Variants in ZNF578 observed in about 807,000 individuals in gnomAD.
The protein encoded by ZNF578 is zinc finger protein 578.
In ZNF578, 8 loss-of-function variants were observed where a neutral mutation model predicts 8.3. That is an observed-to-expected ratio of 0.96 (90% confidence interval 0.56 to 1.74). The LOEUF (loss-of-function observed/expected upper bound fraction) is 1.74. Among genes scored for constraint, ZNF578 ranks in the 40% most tolerant of loss-of-function variants. The pLI, the probability that ZNF578 is intolerant of heterozygous loss-of-function variation, is 0.00. For missense variants in ZNF578, 726 were observed against 707.5 expected (o/e 1.03, Z -0.30); for synonymous variants, 206 against 232.2 (o/e 0.89, Z 1.03).
At chr19:52,458,483 T>TATATATATATATATATATATA (rs1555751157) in intron 2 of ZNF578, 8 of 144,852 alleles carry the variant, frequency 5.5e-5, no homozygotes, top group African/African-American at 1.8e-4. Context: ...TATATATATA[T>TATATATATATATATATATATA]TTTGAAAATC....
chr19:52,472,753 C>A (rs1345427730), intron 2 of ZNF578, among the ~76,000 whole-genome samples: 3 of 152,160 alleles, frequency 2.0e-5, no homozygotes, highest in Admixed American at 2.0e-4. Context: ...TTACATTATT[C>A]TCTGCTCACC....
chr19:52,463,315 A>G (rs1207625788), intron 2 of ZNF578, among the ~76,000 whole-genome samples: 2 of 152,216 alleles, frequency 1.3e-5, no homozygotes, highest in African/African-American at 4.8e-5. Context: ...AAATGAGAAT[A>G]TGTATCTCTG....
chr19:52,474,017 C>A, intron 2 of ZNF578: 1 of 406,728 alleles, frequency 2.5e-6, no homozygotes, highest in South Asian at 2.1e-5. Context: ...TCTCCAATGT[C>A]GTGCAAGGTG....
At chr19:52,500,342 A>T (rs908660813) in intron 3 of ZNF578, among the ~76,000 whole-genome samples, 3 of 151,994 alleles carry the variant, frequency 2.0e-5, no homozygotes, top group Admixed American at 6.6e-5. Flanking sequence ...GGAAGACTTG[A>T]AGCAGGGAAG....
In ZNF578 at chr19:52,498,946, G is replaced by C. The variant is rs146192123; in HGVS notation, c.-19-2881G>C. On this transcript the variant is annotated intron_variant, in intron 3 of 5. Coordinates refer to ENST00000421239, the MANE Select transcript of ZNF578 (RefSeq NM_001099694.2). ...GATTGGCCTGCCTCAACTACCCAAAGTGTTGGGATTTCAAGGGTGGGTCAC... is the reference window on the plus strand; with the variant it reads ...GATTGGCCTGCCTCAACTACCCAAACTGTTGGGATTTCAAGGGTGGGTCAC... Among the ~76,000 whole-genome samples the C allele has an allele frequency of 7.2e-5, 11 of 152,268 alleles. No individual in the cohort carries two copies. In the East Asian group the frequency reaches 2.1e-3, roughly 29 times the overall value.
At chr19:52,497,769 A>T (rs532817494) in intron 3 of ZNF578, among the ~76,000 whole-genome samples, 1 of 152,304 alleles carries the variant, frequency 6.6e-6, no homozygotes, top group Admixed American at 6.5e-5. Context: ...TTATCCTAAC[A>T]TGAAAATTTA....
In ZNF578 at chr19:52,504,708, A is replaced by G; in HGVS notation, c.117A>G (p.Lys39=). 1 of 1,614,092 alleles carries G rather than the reference A, an allele frequency of 6.2e-7. No homozygotes were observed. Among genetic ancestry groups the G allele is most frequent in the Non-Finnish European group, 8.5e-7 (1 of 1,180,024 alleles). The change falls in exon 5 of 6, where the codon AAA becomes AAG. Residue 39 remains lysine, a synonymous_variant. Transcript: ENST00000421239. ...TAGAATTCTCATTGGCAGAGTGGAA[A>G]TTCCTGAACCCTGCGCAGAGGGCTT... is the stretch of plus-strand genomic sequence containing the variant. The part of the protein sequence containing the change: ...VAIEFSLAEW[K]FLNPAQRALY...
At chr19:52,503,287 C>G (rs1156649316) in intron 4 of ZNF578, among the ~76,000 whole-genome samples, 1 of 152,186 alleles carries the variant, frequency 6.6e-6, no homozygotes, top group African/African-American at 2.4e-5. Flanking sequence ...CTCCAGTGAT[C>G]CTCCCCTCTT....
chr19:52,490,609 A>T (rs778674373), intron 2 of ZNF578, among the ~76,000 whole-genome samples: 4 of 152,154 alleles, frequency 2.6e-5, no homozygotes, highest in Non-Finnish European at 5.9e-5. Flanking sequence ...GGTAATTTTA[A>T]GACAGGTATT....
At chr19:52,474,532 AC>A (rs2122814496) in intron 2 of ZNF578, 1 of 299,598 alleles carries the variant, frequency 3.3e-6, no homozygotes, top group African/African-American at 2.2e-5. Context: ...CTGAGTAAAG[AC>A]CTTGTAACAT....
chr19:52,489,126 G>A (rs576329744), intron 2 of ZNF578, among the ~76,000 whole-genome samples: 7 of 151,880 alleles, frequency 4.6e-5, no homozygotes, highest in African/African-American at 9.6e-5. Flanking sequence ...AAAAGTAGCC[G>A]AGGGTGGTGG....
At chr19:52,494,608 ATT>A (rs752595082) in intron 3 of ZNF578, among the ~76,000 whole-genome samples, 15 of 152,198 alleles carry the variant, frequency 9.9e-5, no homozygotes, top group Admixed American at 7.9e-4. Context: ...ACTTGTCTAA[ATT>A]ATACAGATGA....
Position 52,477,598 on chromosome 19 carries a change from T to G in ZNF578, c.-121-13726T>G, listed in dbSNP as rs942187045. Among the ~76,000 whole-genome samples, 153 of 126,462 alleles carry G rather than the reference T, an allele frequency of 1.2e-3. 3 individuals carry two copies. The East Asian group carries it at 0.03, about 25-fold the overall frequency. 83.0% of individuals were successfully genotyped at this position (126,462 alleles called of 152,430 possible). A position where few individuals can be genotyped will look rare whatever the true frequency, so the allele number is the denominator to read the frequency against. The stretch of plus-strand genomic sequence containing the variant: ...GTTATAACATTTTCCCATTTTAGGG[T>G]TTTTTTTTTTTTTCCATTTTAGGGT... On this transcript the variant is annotated intron_variant, in intron 2 of 5. Transcript: ENST00000421239.
At chr19:52,474,169 A>G (rs2059300916) in intron 2 of ZNF578, 3 of 303,300 alleles carry the variant, frequency 9.9e-6, no homozygotes, top group South Asian at 9.5e-5. Context: ...TCTTTCCACT[A>G]TGAATTAGAA....
rs181276396 is a variant in ZNF578, at chr19:52,475,038, T to G, written c.-121-16286T>G. 2.4e-4 allele frequency: 46 copies of G among 192,000 alleles called. No individual in the cohort carries two copies. In the East Asian group the frequency reaches 7.0e-3, roughly 29 times the overall value. 11.9% of individuals were successfully genotyped at this position (192,000 alleles called of 1,614,324 possible). A position where few individuals can be genotyped will look rare whatever the true frequency, so the allele number is the denominator to read the frequency against. On this transcript the variant is annotated intron_variant, in intron 2 of 5. Coordinates refer to ENST00000421239, the MANE Select transcript of ZNF578 (RefSeq NM_001099694.2). ...AAGATGTGAATTGCGATTAAAGACCTTGCACATTCATTACGTTTGTAAGAT... is the reference window on the plus strand; with the variant it reads ...AAGATGTGAATTGCGATTAAAGACCGTGCACATTCATTACGTTTGTAAGAT...
At chr19:52,476,629 C>T (rs1442355281) in intron 2 of ZNF578, among the ~76,000 whole-genome samples, 10 of 152,148 alleles carry the variant, frequency 6.6e-5, no homozygotes, top group Non-Finnish European at 1.2e-4. Flanking sequence ...TATCCCATGC[C>T]GTAAGTCTCA....
chr19:52,499,548 C>T (rs891237954), intron 3 of ZNF578, among the ~76,000 whole-genome samples: 3 of 152,140 alleles, frequency 2.0e-5, no homozygotes, highest in African/African-American at 7.2e-5. Flanking sequence ...TGTGTACTTC[C>T]GAAAACTTAG....
rs1265065778 is a variant in ZNF578 at position 52,513,922 on chromosome 19, C to T, written c.*1768C>T. ...CACCTTTAGTTCCAGCTACTTGGGACACTGAGGCATGAGAATCACTTAAAC... is the reference window on the plus strand; with the variant it reads ...CACCTTTAGTTCCAGCTACTTGGGATACTGAGGCATGAGAATCACTTAAAC... On this transcript the variant is annotated 3_prime_UTR_variant, in exon 6 of 6. Coordinates refer to ENST00000421239, the MANE Select transcript of ZNF578 (RefSeq NM_001099694.2). Among the ~76,000 whole-genome samples the T allele has an allele frequency of 6.6e-6, 1 of 151,930 alleles. No homozygotes were observed. The highest frequency in any genetic ancestry group is 1.5e-5 in the Non-Finnish European group (1 of 68,004).
At position 52,514,327 on chromosome 19, in the gene ZNF578, A is replaced by G. The variant is rs1309838252; in HGVS notation, c.*2173A>G. On this transcript the variant is annotated 3_prime_UTR_variant, in exon 6 of 6. Transcript: ENST00000421239. ...AGATTTTTTTCCTACAACAATTTCAAAAGAGTTGCTGTTTGAAATTAGTTG... is the reference window on the plus strand; with the variant it reads ...AGATTTTTTTCCTACAACAATTTCAGAAGAGTTGCTGTTTGAAATTAGTTG... Among the ~76,000 whole-genome samples, 2 of 152,188 alleles carry G rather than the reference A, an allele frequency of 1.3e-5. No individual in the cohort carries two copies. The highest frequency in any genetic ancestry group is 4.8e-5 in the African/African-American group (2 of 41,436).
Sources: gnomAD v4.1 joint callset for allele counts (sites outside exome capture counted in the v4.1 genomes callset) on GRCh38, gnomAD v4.1.1 for gene constraint, MANE v1.5 for transcripts, NCBI Gene and HGNC (gene_info 2026-07-23, HGNC 2026-07-21) for gene names.